The following PCCA variants were observed in gnomAD, a reference collection of about 807,000 sequenced individuals.
The protein encoded by PCCA is propionyl-CoA carboxylase subunit alpha.
In PCCA, 74 loss-of-function variants were observed where a neutral mutation model predicts 101.3. The observed-to-expected ratio is 0.73, with a 90% CI of 0.61 to 0.89. PCCA has a LOEUF of 0.89. Ranked by LOEUF, PCCA falls within the 40% of genes least tolerant of loss-of-function variation. The pLI, the probability that PCCA is intolerant of heterozygous loss-of-function variation, is 0.00. For synonymous variants in PCCA, 294 were observed against 313.6 expected, an observed-to-expected ratio of 0.94 and a Z score of 0.66; for missense variants, 891 against 907.0, an observed-to-expected ratio of 0.98 and a Z score of 0.23.
intron 16 of PCCA, among the ~76,000 whole-genome samples, chr13:100,329,282 A>G (rs1270139597): frequency 6.6e-6 from 1 of 152,064 alleles, no homozygotes; most frequent in Non-Finnish European, 1.5e-5. Flanking sequence ...TTCTTATTTG[A>G]GTTTAAAATG....
At chr13:100,343,760 T>G (rs1005710298) in intron 18 of PCCA, among the ~76,000 whole-genome samples, 1 of 152,232 alleles carries the variant, frequency 6.6e-6, no homozygotes, top group Admixed American at 6.5e-5. Context: ...TACAATCTCA[T>G]CAGACTATAC....
intron 16 of PCCA, among the ~76,000 whole-genome samples, chr13:100,323,220 T>C (rs916907416): frequency 6.6e-6 from 1 of 152,258 alleles, no homozygotes; most frequent in Non-Finnish European, 1.5e-5. Flanking sequence ...GAGGCTAGAT[T>C]TGGCCTTCAG....
At chr13:100,238,363 C>G (rs2060932374) in intron 8 of PCCA, among the ~76,000 whole-genome samples, 1 of 152,124 alleles carries the variant, frequency 6.6e-6, no homozygotes, top group Admixed American at 6.5e-5. Context: ...TGCTTTACCT[C>G]CTTTTCATTT....
chr13:100,475,993 A>G (rs941960072), intron 21 of PCCA, among the ~76,000 whole-genome samples: 3 of 152,228 alleles, frequency 2.0e-5, no homozygotes, highest in African/African-American at 7.2e-5. Flanking sequence ...AACAAAGCAC[A>G]TACATTTCAG....
At chr13:100,230,500 G>A (rs568993329) in intron 7 of PCCA, among the ~76,000 whole-genome samples, 4 of 150,890 alleles carry the variant, frequency 2.7e-5, no homozygotes, top group South Asian at 4.2e-4. Flanking sequence ...AGCCGAGGTC[G>A]TGCCACTGCA....
rs1555387984 is a variant in PCCA at position 100,232,351 on chromosome 13, C to CGTGTGCGTGTGTGT, written c.601-3486_601-3485insCGTGTGTGTGTGTG. 1.2e-3 allele frequency among the ~76,000 whole-genome samples: 163 copies of CGTGTGCGTGTGTGT among 131,256 alleles called. 1 individual carries two copies. The highest frequency in any genetic ancestry group is 8.2e-3 in the East Asian group (37 of 4,518). The allele number at this position is 131,256 out of a possible 152,430, so 86.1% of individuals were successfully genotyped here. On this transcript the variant is annotated intron_variant, in intron 7 of 23. Transcript: ENST00000376285. ...TTATGTTTATGTGTGTGTGTGTATG[C>CGTGTGCGTGTGTGT]GTGTGTGTGTGTGTGTGTGTGTGTG...
intron 20 of PCCA, among the ~76,000 whole-genome samples, chr13:100,429,019 A>T (rs2079360806): frequency 6.6e-6 from 1 of 152,034 alleles, no homozygotes; most frequent in Non-Finnish European, 1.5e-5. Context: ...AAGAAGCATG[A>T]GGTGAAGATT....
intron 4 of PCCA, among the ~76,000 whole-genome samples, chr13:100,133,642 A>G (rs1004669115): frequency 1.3e-5 from 2 of 152,052 alleles, no homozygotes; most frequent in Non-Finnish European, 2.9e-5. Context: ...TGAAAATAGT[A>G]TTTCTCTATT....
At chr13:100,348,900 T>C (rs2072863590) in intron 18 of PCCA, among the ~76,000 whole-genome samples, 1 of 119,490 alleles carries the variant, frequency 8.4e-6, no homozygotes, top group Admixed American at 1.0e-4. Flanking sequence ...TTTCCTTCCT[T>C]CCTTCCTTCC....
intron 4 of PCCA, among the ~76,000 whole-genome samples, chr13:100,131,340 T>C (rs1356767200): frequency 6.6e-6 from 1 of 152,132 alleles, no homozygotes; most frequent in African/African-American, 2.4e-5. Context: ...TGTTCTGGCT[T>C]AAGAACAGTT....
intron 21 of PCCA, chr13:100,491,730 T>C: frequency 7.7e-7 from 1 of 1,299,254 alleles, no homozygotes; most frequent in Non-Finnish European, 1.0e-6. Flanking sequence ...GCAGGAGGCC[T>C]GGGATTGAAA....
At chr13:100,497,706 A>AT in intron 21 of PCCA, among the ~76,000 whole-genome samples, 1 of 152,250 alleles carries the variant, frequency 6.6e-6, no homozygotes, top group South Asian at 2.1e-4. Context: ...ACTGAGGTCT[A>AT]AATTTCAGTG....
intron 21 of PCCA, among the ~76,000 whole-genome samples, chr13:100,464,225 G>A (rs1201974528): frequency 6.6e-6 from 1 of 152,142 alleles, no homozygotes; most frequent in Non-Finnish European, 1.5e-5. Context: ...GAACAGGATC[G>A]GGCAGGGGTG....
At chr13:100,095,698 G>T (rs967165976) in intron 1 of PCCA, among the ~76,000 whole-genome samples, 3 of 152,206 alleles carry the variant, frequency 2.0e-5, no homozygotes, top group Non-Finnish European at 4.4e-5. Context: ...GCATAATTAA[G>T]GGATGAATGT....
At chr13:100,141,573 G>A (rs1198547809) in intron 4 of PCCA, among the ~76,000 whole-genome samples, 1 of 152,060 alleles carries the variant, frequency 6.6e-6, no homozygotes, top group African/African-American at 2.4e-5. Flanking sequence ...ACCATGTCCA[G>A]CTGATTTTTT....
chr13:100,153,273 C>G (rs142788726), intron 4 of PCCA, among the ~76,000 whole-genome samples: 2 of 152,134 alleles, frequency 1.3e-5, no homozygotes, highest in Non-Finnish European at 2.9e-5. Context: ...GAAATTGTAA[C>G]TGTGCAAAGC....
intron 6 of PCCA, among the ~76,000 whole-genome samples, chr13:100,191,282 G>C (rs750907924): frequency 6.6e-6 from 1 of 152,188 alleles, no homozygotes; most frequent in Non-Finnish European, 1.5e-5. Flanking sequence ...CAAGTGCACA[G>C]CATTTTACCG....
At chr13:100,230,231 G>C (rs927196435) in intron 7 of PCCA, among the ~76,000 whole-genome samples, 2 of 152,048 alleles carry the variant, frequency 1.3e-5, no homozygotes, top group African/African-American at 4.8e-5. Flanking sequence ...AGGTGTGGGA[G>C]GACTGGAAAG....
intron 21 of PCCA, among the ~76,000 whole-genome samples, chr13:100,464,997 A>G (rs2065748): frequency 0.016 from 2,429 of 152,272 alleles, 29 homozygotes; most frequent in Non-Finnish European, 0.026. Flanking sequence ...GATCTCTTGT[A>G]CCTATGAATT....
Sources: allele counts gnomAD v4.1 joint callset (sites outside exome capture counted in the v4.1 genomes callset), GRCh38; gene constraint gnomAD v4.1.1; transcripts MANE v1.5; gene names NCBI Gene and HGNC (gene_info 2026-07-23, HGNC 2026-07-21).